The following CCDC7 variants were observed in gnomAD, a reference collection of about 807,000 sequenced individuals.
CCDC7 encodes the protein coiled-coil domain containing 7.
CCDC7 carries 183 observed loss-of-function variants against 196.9 expected under a neutral mutation model. The observed-to-expected ratio is 0.93, with a 90% confidence interval of 0.82 to 1.05. The LOEUF (loss-of-function observed/expected upper bound fraction) is 1.05, where lower values mean the gene tolerates loss of function less well. Among genes scored for constraint, CCDC7 ranks in the 50% least tolerant of loss-of-function variants. CCDC7 has a pLI of 0.00. For missense variants in CCDC7, 1,540 were observed against 1,482.2 expected (o/e 1.04, Z -0.64); for synonymous variants, 525 against 484.6 (o/e 1.08, Z -1.10).
intron 9 of CCDC7, chr10:32,513,944 A>G (rs2046629654): frequency 6.6e-6 from 1 of 152,164 alleles, no homozygotes; most frequent in Non-Finnish European, 1.5e-5. Context: ...AAGACAAGAC[A>G]TTCACTTCTA....
chr10:32,674,649 G>GATT (rs762673771), intron 21 of CCDC7, among the ~76,000 whole-genome samples: 6 of 151,856 alleles, frequency 4.0e-5, no homozygotes, highest in Non-Finnish European at 7.4e-5. Context: ...TTTCTGTTTG[G>GATT]ATGATCTATC....
Position 32,872,580 on chromosome 10 carries a change from TATG to T in CCDC7, c.4112-3763_4112-3761del, listed in dbSNP as rs370611848. Among the ~76,000 whole-genome samples, 330 of 152,198 alleles carry T rather than the reference TATG, an allele frequency of 2.2e-3. 8 individuals are homozygous for T. The East Asian group carries it at 0.051, about 23-fold the overall frequency. ...TTATGTGTGAATTTGATCCTGTCAT[TATG>T]ATGTTAGCTGGTTATTTTGCTCGTT... On this transcript the variant is annotated intron_variant, in intron 41 of 41. Transcript: ENST00000639629.
At chr10:32,550,677 T>A (rs2053331146) in intron 13 of CCDC7, among the ~76,000 whole-genome samples, 1 of 152,184 alleles carries the variant, frequency 6.6e-6, no homozygotes, top group Non-Finnish European at 1.5e-5. Context: ...TGTTTTTAAT[T>A]CTTTTTATGT....
At chr10:32,608,603 C>T (rs528044726) in intron 18 of CCDC7, among the ~76,000 whole-genome samples, 4 of 152,076 alleles carry the variant, frequency 2.6e-5, no homozygotes, top group Non-Finnish European at 4.4e-5. Flanking sequence ...TGCAGTGGTG[C>T]GATCTAGGCT....
intron 32 of CCDC7, among the ~76,000 whole-genome samples, chr10:32,827,330 G>T (rs1004055263): frequency 6.6e-6 from 1 of 152,136 alleles, no homozygotes; most frequent in Admixed American, 6.6e-5. Context: ...ACCATTCCTC[G>T]GTACCTGGTG....
chr10:32,473,855 A>C (rs1373733770), intron 7 of CCDC7, 112 bp from the exon 9 acceptor site: 1 of 1,021,746 alleles, frequency 9.8e-7, no homozygotes, highest in Non-Finnish European at 1.3e-6. Context: ...ATTTTTTCAA[A>C]GTTTTCTTTC....
chr10:32,872,320 CTT>C (rs2094458428), intron 41 of CCDC7, among the ~76,000 whole-genome samples: 1 of 151,922 alleles, frequency 6.6e-6, no homozygotes, highest in African/African-American at 2.4e-5. Context: ...TTCTTTGTCT[CTT>C]TTGATCTTTG....
intron 28 of CCDC7, among the ~76,000 whole-genome samples, chr10:32,736,442 AG>A (rs1273539423): frequency 2.6e-5 from 4 of 152,072 alleles, no homozygotes; most frequent in Non-Finnish European, 5.9e-5. Context: ...CACAATGTGC[AG>A]GTTAGTTACA....
chr10:32,872,291 T>C, intron 41 of CCDC7, among the ~76,000 whole-genome samples: 1 of 152,076 alleles, frequency 6.6e-6, no homozygotes, highest in Non-Finnish European at 1.5e-5. Context: ...ATTGATCCCT[T>C]TACCATTATG....
intron 13 of CCDC7, among the ~76,000 whole-genome samples, chr10:32,559,937 G>A (rs1324092125): frequency 5.3e-5 from 8 of 152,278 alleles, no homozygotes; most frequent in East Asian, 1.9e-4. Context: ...AAATTTAGAC[G>A]AATGTATAAC....
At chr10:32,769,804 C>T (rs2078898673) in intron 28 of CCDC7, among the ~76,000 whole-genome samples, 2 of 152,226 alleles carry the variant, frequency 1.3e-5, no homozygotes, top group African/African-American at 4.8e-5. Flanking sequence ...CTGCAAAAGA[C>T]ATGAACTCAT....
chr10:32,644,041 CT>C (rs2067321960), intron 20 of CCDC7, among the ~76,000 whole-genome samples: 1 of 151,898 alleles, frequency 6.6e-6, no homozygotes, highest in South Asian at 2.1e-4. Flanking sequence ...TAGTCTAAGC[CT>C]CTCTTCCTTT....
intron 7 of CCDC7, among the ~76,000 whole-genome samples, 165 bp from the exon 9 acceptor site, chr10:32,473,802 A>G (rs1253332057): frequency 1.3e-5 from 2 of 152,202 alleles, no homozygotes; most frequent in Non-Finnish European, 2.9e-5. Flanking sequence ...AAATATTACC[A>G]TTTCTTACCT....
chr10:32,667,726 A>G (rs1209999787), intron 21 of CCDC7, among the ~76,000 whole-genome samples: 1 of 152,092 alleles, frequency 6.6e-6, no homozygotes, highest in African/African-American at 2.4e-5. Flanking sequence ...CCATTGGTCC[A>G]TATCTCTGTT....
At chr10:32,794,191 G>A (rs528302419) in intron 29 of CCDC7, among the ~76,000 whole-genome samples, 1 of 152,228 alleles carries the variant, frequency 6.6e-6, no homozygotes, top group African/African-American at 2.4e-5. Context: ...TTGGTTTTCT[G>A]TCCCTGCATT....
At chr10:32,776,436 C>G (rs2080078499) in intron 28 of CCDC7, among the ~76,000 whole-genome samples, 1 of 151,978 alleles carries the variant, frequency 6.6e-6, no homozygotes, top group African/African-American at 2.4e-5. Context: ...CTATCATCAC[C>G]AGGCTCATTA....
intron 8 of CCDC7, among the ~76,000 whole-genome samples, chr10:32,487,825 T>A (rs536847703): frequency 6.6e-6 from 1 of 152,206 alleles, no homozygotes; most frequent in South Asian, 2.1e-4. Context: ...CAAATATTGC[T>A]GCCTGATCGT....
chr10:32,808,834 T>A (rs1426463658), intron 30 of CCDC7, among the ~76,000 whole-genome samples: 1 of 151,006 alleles, frequency 6.6e-6, no homozygotes, highest in Admixed American at 6.6e-5. Flanking sequence ...AAAAAAAAAA[T>A]TATACAGAGG....
chr10:32,642,960 TA>T (rs1394977662), intron 20 of CCDC7, among the ~76,000 whole-genome samples: 15 of 152,264 alleles, frequency 9.9e-5, no homozygotes, highest in African/African-American at 3.6e-4. Flanking sequence ...AAATTAAAGT[TA>T]ACTTTGAATA....
Sources: gnomAD v4.1 joint callset for allele counts (sites outside exome capture counted in the v4.1 genomes callset) on GRCh38, gnomAD v4.1.1 for gene constraint, MANE v1.5 for transcripts, NCBI Gene and HGNC (gene_info 2026-07-23, HGNC 2026-07-21) for gene names.